Variants in PDE8B observed in about 807,000 individuals in gnomAD.
PDE8B encodes phosphodiesterase 8B.
PDE8B carries 26 observed loss-of-function variants against 101.3 expected under a neutral mutation model. The ratio of observed to expected loss-of-function variants is 0.26; its 90% confidence interval spans 0.19 to 0.36. The LOEUF (loss-of-function observed/expected upper bound fraction) is 0.36, where lower values mean the gene tolerates loss of function less well. Among genes scored for constraint, PDE8B ranks in the 10% least tolerant of loss-of-function variants. The pLI is 1.00. For synonymous variants in PDE8B, 424 were observed against 429.3 expected, an observed-to-expected ratio of 0.99 and a Z score of 0.15; for missense variants, 810 against 1,163.1, an observed-to-expected ratio of 0.70 and a Z score of 4.42.
intron 10 of PDE8B, among the ~76,000 whole-genome samples, chr5:77,391,338 T>A (rs1387293727): frequency 6.6e-6 from 1 of 152,158 alleles, no homozygotes; most frequent in African/African-American, 2.4e-5. Flanking sequence ...CAGAGCATCA[T>A]TAAGTCGGTC....
Position 77,411,735 on chromosome 5 carries a change from T to A in PDE8B, c.1576+14T>A. ...TGTTTACTAAGAGTAAGTTTTCATC[T>A]ATTTACTTGTTAGTGTAACCTGTCT... On this transcript the variant is annotated intron_variant, in intron 15 of 21. Transcript: ENST00000264917. 1.3e-6 allele frequency: 2 copies of A among 1,588,802 alleles called. No homozygotes were observed. Among genetic ancestry groups the A allele is most frequent in the Non-Finnish European group, 1.7e-6 (2 of 1,156,856 alleles).
intron 1 of PDE8B, among the ~76,000 whole-genome samples, chr5:77,227,036 A>C (rs1271600302): frequency 6.6e-6 from 1 of 152,206 alleles, no homozygotes; most frequent in African/African-American, 2.4e-5. Flanking sequence ...ACAAAATGCC[A>C]CAGGGGGCTC....
In PDE8B at chr5:77,421,858, A is replaced by C. The variant is rs769605983; in HGVS notation, c.2288A>C (p.Lys763Thr). ...GACTGTGAATGCAACCCTGCTGGGA[A>C]GAACTTCCCTGAAAACCAAATCCTG... ...GSDCECNPAG[K>T]NFPENQILIK... The change falls in exon 20 of 22, where the codon AAG becomes ACG. Residue 763 changes from lysine to threonine, a missense_variant. By Grantham distance (78) the Lys-to-Thr change is moderately conservative. Transcript: ENST00000264917. 16 of 1,614,154 alleles carry C rather than the reference A, an allele frequency of 9.9e-6. No homozygotes were observed. The highest frequency in any genetic ancestry group is 1.2e-5 in the Non-Finnish European group (14 of 1,180,002).
At chr5:77,102,203 G>T in the PDE8B span, among the ~76,000 whole-genome samples, 7 of 152,284 alleles carry the variant, frequency 4.6e-5, no homozygotes, top group Non-Finnish European at 8.8e-5. Flanking sequence ...ACTGGGCTCA[G>T]CTTCCCACTT....
chr5:77,196,474 A>T, the PDE8B span, among the ~76,000 whole-genome samples: 8 of 152,156 alleles, frequency 5.3e-5, no homozygotes, highest in African/African-American at 1.9e-4. Flanking sequence ...ATAAAATTTC[A>T]TTCTTTTGCA....
chr5:77,097,431 G>A, the PDE8B span, among the ~76,000 whole-genome samples: 14 of 151,888 alleles, frequency 9.2e-5, no homozygotes, highest in African/African-American at 3.4e-4. Flanking sequence ...GTATTGTCCA[G>A]CTACTTTTAT....
At chr5:77,243,425 T>C (rs1295099366) in intron 1 of PDE8B, among the ~76,000 whole-genome samples, 1 of 152,206 alleles carries the variant, frequency 6.6e-6, no homozygotes, top group African/African-American at 2.4e-5. Context: ...AATAAATCTA[T>C]ATAGTTATGG....
At chr5:77,157,596 T>C in the PDE8B span, among the ~76,000 whole-genome samples, 1 of 152,230 alleles carries the variant, frequency 6.6e-6, no homozygotes, top group South Asian at 2.1e-4. Flanking sequence ...TAAATGTGGA[T>C]AGAGGACACA....
chr5:77,407,642 C>T (rs912136526), intron 13 of PDE8B, among the ~76,000 whole-genome samples, 185 bp downstream of exon 13: 5 of 152,240 alleles, frequency 3.3e-5, no homozygotes, highest in South Asian at 2.1e-4. Context: ...GGAAAACAAG[C>T]GGGTTCTGTG....
In PDE8B at chr5:77,325,490, C is replaced by T. The variant is rs761648177; in HGVS notation, c.400-49C>T. ...GGCCACTAGGCTTGTTTTTAATAGT[C>T]TCTATGGATGATGATTTATTTCAAG... On this transcript the variant is annotated intron_variant, in intron 2 of 21. Coordinates refer to ENST00000264917, the MANE Select transcript of PDE8B (RefSeq NM_003719.5). 21 of 1,552,508 alleles carry T rather than the reference C, an allele frequency of 1.4e-5. 1 individual carries two copies. The highest frequency in any genetic ancestry group is 3.4e-4 in the Middle Eastern group (2 of 5,946).
At chr5:77,402,644 GC>G (rs1381759703) in intron 11 of PDE8B, among the ~76,000 whole-genome samples, 3 of 152,166 alleles carry the variant, frequency 2.0e-5, no homozygotes, top group African/African-American at 7.2e-5. Flanking sequence ...GTAATTAATA[GC>G]CCCCATATAC....
At chr5:77,209,289 G>T (rs1747794139), upstream of PDE8B, among the ~76,000 whole-genome samples, 1 of 151,966 alleles carries the variant, frequency 6.6e-6, no homozygotes, top group Admixed American at 6.6e-5. Flanking sequence ...GCTTCTCTAT[G>T]AAATTTAGAA....
chr5:77,143,646 A>G, the PDE8B span, among the ~76,000 whole-genome samples: 1 of 152,158 alleles, frequency 6.6e-6, no homozygotes, highest in Non-Finnish European at 1.5e-5. Flanking sequence ...TTCAGAGGAG[A>G]GAGGTGTATC....
chr5:77,365,525 T>G (rs2150599265), intron 10 of PDE8B, among the ~76,000 whole-genome samples: 1 of 152,290 alleles, frequency 6.6e-6, no homozygotes, highest in East Asian at 1.9e-4. Flanking sequence ...GCCTTCATCG[T>G]CATCATCTTA....
the PDE8B span, among the ~76,000 whole-genome samples, chr5:77,098,293 T>TAAA: frequency 6.4e-4 from 93 of 145,144 alleles, no homozygotes; most frequent in Non-Finnish European, 5.4e-4. Context: ...TTTTTTTTTT[T>TAAA]AAAAAAAAAA....
At chr5:77,188,775 G>A in the PDE8B span, among the ~76,000 whole-genome samples, 2 of 152,366 alleles carry the variant, frequency 1.3e-5, no homozygotes, top group Non-Finnish European at 2.9e-5. Flanking sequence ...ATTTGAGTCA[G>A]TGGACAAGGC....
At chr5:77,378,602 A>G (rs983029081) in intron 10 of PDE8B, among the ~76,000 whole-genome samples, 1 of 152,268 alleles carries the variant, frequency 6.6e-6, no homozygotes, top group East Asian at 1.9e-4. Context: ...GTAGATTCCA[A>G]TTCAGTAGTC....
chr5:77,400,432 T>A, intron 11 of PDE8B, 142 bp downstream of exon 11: 1 of 698,064 alleles, frequency 1.4e-6, no homozygotes, highest in Non-Finnish European at 2.6e-6. Flanking sequence ...TATCACAAGG[T>A]TGGCAAGCCA....
intron 1 of PDE8B, among the ~76,000 whole-genome samples, chr5:77,247,319 C>A (rs139614704): frequency 6.6e-6 from 1 of 152,174 alleles, no homozygotes; most frequent in Non-Finnish European, 1.5e-5. Flanking sequence ...CCCTCTGTTC[C>A]GCAGCAGGAG....
Sources: allele counts gnomAD v4.1 joint callset (sites outside exome capture counted in the v4.1 genomes callset), GRCh38; gene constraint gnomAD v4.1.1; transcripts MANE v1.5; gene names NCBI Gene and HGNC (gene_info 2026-07-23, HGNC 2026-07-21).